Variants in BTK observed in about 807,000 individuals in gnomAD.
BTK encodes the protein tyrosine-protein kinase BTK.
In BTK, 5 loss-of-function variants were observed where a neutral mutation model predicts 57.4. That is an observed-to-expected ratio of 0.09 (90% CI 0.05 to 0.18). BTK has a LOEUF of 0.18. Ranked by LOEUF, BTK falls within the 10% of genes least tolerant of loss-of-function variation. The pLI, the probability that BTK is intolerant of heterozygous loss-of-function variation, is 1.00. For missense variants in BTK, 194 were observed against 501.2 expected, an observed-to-expected ratio of 0.39 and a Z score of 5.85; for synonymous variants, 154 against 174.3, an observed-to-expected ratio of 0.88 and a Z score of 0.92.
intron 16 of BTK, 86 bp from the exon 17 acceptor site, chrX:101,354,074 C>A (rs1926386711): frequency 3.0e-6 from 2 of 666,063 alleles, no homozygotes; most frequent in Admixed American, 2.2e-5. Flanking sequence ...AAGAGTGTCA[C>A]AAACACACAC....
intron 7 of BTK, among the ~76,000 whole-genome samples, chrX:101,361,512 C>CAAAAAAA (rs374694373): frequency 1.4e-5 from 1 of 70,696 alleles, no homozygotes; most frequent in Non-Finnish European, 3.1e-5. Context: ...AAGAAGGAAC[C>CAAAAAAA]AAAAAAAAAA....
chrX:101,367,843 G>A (rs1451171209), intron 5 of BTK, among the ~76,000 whole-genome samples: 1 of 110,918 alleles, frequency 9.0e-6, no homozygotes, highest in Non-Finnish European at 1.9e-5. Flanking sequence ...TATCGATGTG[G>A]AGCCCAAGCT....
chrX:101,374,538 G>A lies in BTK; in HGVS notation c.238C>T (p.Pro80Ser), dbSNP rs782406513. 1 of 1,206,134 alleles carries A rather than the reference G, an allele frequency of 8.3e-7. No individual in the cohort carries two copies. Residue 80 changes from proline (P) to serine (S), a missense_variant and splice_region_variant, in exon 3 of 19, where the codon CCG becomes TCG. Coordinates refer to ENST00000308731, the MANE Select transcript of BTK (RefSeq NM_000061.3). ...EKNPPPERQI[P>S]RRGEESSEME... is the part of the protein sequence containing the mutation. ...CTCAGACATTGGTCTCTTCTTACCG[G>A]AATCTGTCTTTCTGGAGGAGGATTT...
At chrX:101,358,109 C>A in intron 12 of BTK, 1 of 579,152 alleles carries the variant, frequency 1.7e-6, no homozygotes, top group Non-Finnish European at 3.0e-6. Flanking sequence ...GAACATCAAT[C>A]ACCAAATAAA....
chrX:101,374,251 G>T, intron 3 of BTK: 1 of 314,855 alleles, frequency 3.2e-6, no homozygotes, highest in Non-Finnish European at 5.7e-6. Flanking sequence ...GATCCTGAGA[G>T]AACTGAGGGA....
rs1285176494 is a variant in BTK at position 101,362,442 on chromosome X, C to A, written c.520+119G>T. 2.7e-6 allele frequency: 3 copies of A among 1,106,313 alleles called. No homozygotes were observed. The African/African-American group carries it at 5.4e-5, about 20-fold the overall frequency. 91.2% of individuals were successfully genotyped at this position (1,106,313 alleles called of 1,213,427 possible). On this transcript the variant is annotated intron_variant, in intron 6 of 18. Transcript: ENST00000308731. ...CATGTGCCTCCTCCCTCCCCCAGGA[C>A]CCTTTGTTTAGCACCCAAAGTGTAC... is the stretch of plus-strand genomic sequence containing the variant.
At chrX:101,382,825 T>C (rs1028047300) in intron 1 of BTK, among the ~76,000 whole-genome samples, 15 of 111,080 alleles carry the variant, frequency 1.4e-4, no homozygotes, top group African/African-American at 4.9e-4. Flanking sequence ...CTAGTTTTTG[T>C]TTTCCTTGGC....
At chrX:101,354,081 A>G (rs1229833802) in intron 16 of BTK, 93 bp from the exon 17 acceptor site, 28 of 648,994 alleles carry the variant, frequency 4.3e-5, no homozygotes, top group Non-Finnish European at 7.2e-5. Context: ...TCACAAACAC[A>G]CACAGGCTTT....
intron 7 of BTK, among the ~76,000 whole-genome samples, chrX:101,360,975 G>A (rs1926650431): frequency 9.0e-6 from 1 of 111,121 alleles, no homozygotes; most frequent in Non-Finnish European, 1.9e-5. Flanking sequence ...ATGTACTTTC[G>A]GAGGCCAAGG....
At position 101,370,522 on chromosome X, in the gene BTK, G is replaced by C. The variant is rs542866020; in HGVS notation, c.310-443C>G. 7.2e-5 allele frequency among the ~76,000 whole-genome samples: 8 copies of C among 111,720 alleles called. No homozygotes were observed. The East Asian group carries it at 2.2e-3, about 31-fold the overall frequency. ...GGGTTATTCACTTGGATAATATGGA[G>C]TAAAATTTTAATTCATGGCTAATTA... On this transcript the variant is annotated intron_variant, in intron 4 of 18. Transcript: ENST00000308731.
At chrX:101,373,925 A>G (rs782700141) in intron 3 of BTK, among the ~76,000 whole-genome samples, 1 of 110,592 alleles carries the variant, frequency 9.0e-6, no homozygotes, top group Non-Finnish European at 1.9e-5. Context: ...CACACCTGTA[A>G]TCCCAGCTAC....
chrX:101,355,564 GA>G, intron 15 of BTK: 1 of 130,843 alleles, frequency 7.6e-6, no homozygotes, highest in Non-Finnish European at 1.6e-5. Flanking sequence ...AGATTTTCAA[GA>G]GAAGCTGGAA....
chrX:101,372,668 C>T (rs942002754), intron 3 of BTK, among the ~76,000 whole-genome samples: 49 of 107,827 alleles, frequency 4.5e-4, no homozygotes, highest in Non-Finnish European at 8.5e-4. Flanking sequence ...AGGCTGGTCT[C>T]GAACTCCTGC....
intron 13 of BTK, among the ~76,000 whole-genome samples, chrX:101,357,293 C>T (rs528121589): frequency 4.5e-5 from 5 of 111,771 alleles, no homozygotes; most frequent in African/African-American, 1.6e-4. Flanking sequence ...CCCAAGACAA[C>T]GACAAAGCCC....
At chrX:101,377,577 A>G (rs1191692575) in intron 1 of BTK, among the ~76,000 whole-genome samples, 2 of 111,034 alleles carry the variant, frequency 1.8e-5, no homozygotes, top group Non-Finnish European at 3.8e-5. Flanking sequence ...TAGACCCACC[A>G]TCTGTTTCAT....
intron 6 of BTK, 115 bp downstream of exon 6, chrX:101,362,446 T>C: frequency 8.8e-7 from 1 of 1,131,415 alleles, no homozygotes; most frequent in Non-Finnish European, 1.2e-6. Flanking sequence ...CCAGGACCCT[T>C]TGTTTAGCAC....
chrX:101,379,207 G>T (rs1364194255), intron 1 of BTK, among the ~76,000 whole-genome samples: 1 of 109,091 alleles, frequency 9.2e-6, no homozygotes, highest in Non-Finnish European at 1.9e-5. Context: ...AAGAATACCA[G>T]AGCAAAATTC....
chrX:101,376,053 A>T (rs569260832), intron 1 of BTK, among the ~76,000 whole-genome samples: 7 of 111,363 alleles, frequency 6.3e-5, no homozygotes, highest in African/African-American at 2.3e-4. Flanking sequence ...GCATCATGCA[A>T]AAGTGATGCA....
At chrX:101,381,757 T>C (rs56238858) in intron 1 of BTK, among the ~76,000 whole-genome samples, 41,338 of 109,981 alleles carry the variant, frequency 0.38, 6,391 homozygotes, top group African/African-American at 0.59. Flanking sequence ...TGGCCACGTG[T>C]GGTAGCTCAT....
Sources: gnomAD v4.1 joint callset for allele counts (sites outside exome capture counted in the v4.1 genomes callset) on GRCh38, gnomAD v4.1.1 for gene constraint, MANE v1.5 for transcripts, NCBI Gene and HGNC (gene_info 2026-07-23, HGNC 2026-07-21) for gene names.